SUPT16H: variants seen among roughly 807,000 people sequenced by gnomAD.
SUPT16H encodes SPT16 homolog, facilitates chromatin remodeling subunit, also known as FACT complex subunit SPT16.
SUPT16H carries 24 observed loss-of-function variants against 136.2 expected under a neutral mutation model. That is an observed-to-expected ratio of 0.18 (90% CI 0.13 to 0.25). SUPT16H has a LOEUF of 0.25. Ranked by LOEUF, SUPT16H falls within the 10% of genes least tolerant of loss-of-function variation. SUPT16H has a pLI of 1.00. For synonymous variants in SUPT16H, 415 were observed against 428.2 expected (o/e 0.97, Z 0.38); for missense variants, 623 against 1,270.2 (o/e 0.49, Z 7.74).
chr14:21,375,322 T>C (rs903989073), intron 1 of SUPT16H, among the ~76,000 whole-genome samples: 1 of 152,136 alleles, frequency 6.6e-6, no homozygotes, highest in African/African-American at 2.4e-5. Flanking sequence ...GCCCTCACTG[T>C]AGTTTTGATT....
At position 21,355,362 on chromosome 14, in the gene SUPT16H, A is replaced by G. The variant is rs759741959; in HGVS notation, c.2661-822T>C. ...CAAAAAATTAGCCAGGCATGGTAGC[A>G]CGCGCCTGTAGTCCCAGCTACTTGG... On this transcript the variant is annotated intron_variant, in intron 22 of 25. Coordinates refer to ENST00000216297, the MANE Select transcript of SUPT16H (RefSeq NM_007192.4). Among the ~76,000 whole-genome samples, 7 of 151,996 alleles carry G rather than the reference A, an allele frequency of 4.6e-5. No individual in the cohort carries two copies. In the East Asian group the frequency reaches 1.2e-3, roughly 25 times the overall value.
intron 1 of SUPT16H, among the ~76,000 whole-genome samples, chr14:21,377,082 A>G (rs921449234): frequency 6.6e-6 from 1 of 151,572 alleles, no homozygotes; most frequent in South Asian, 2.1e-4. Flanking sequence ...AAAAGAAAAA[A>G]AAAAAAAAAA....
chr14:21,357,081 C>CA, intron 22 of SUPT16H, 116 bp downstream of exon 22: 2 of 1,113,708 alleles, frequency 1.8e-6, no homozygotes, highest in Non-Finnish European at 2.4e-6. Context: ...CTGTAACAAC[C>CA]AAAAGGCAGT....
In SUPT16H at chr14:21,380,451, G is replaced by A. The variant is rs111540183; in HGVS notation, c.66+3411C>T. Among the ~76,000 whole-genome samples the A allele has an allele frequency of 5.9e-3, 900 of 152,002 alleles. 3 individuals carry two copies. Among genetic ancestry groups the A allele is most frequent in the African/African-American group, 0.019 (769 of 41,438 alleles). ...CTATGTATTTTTTAAAATCCTTCCT[G>A]AGCCACAGAACATAGCTGTTGAATC... On this transcript the variant is annotated intron_variant, in intron 1 of 25. Coordinates refer to ENST00000216297, the MANE Select transcript of SUPT16H (RefSeq NM_007192.4).
chr14:21,361,184 G>T lies in SUPT16H; in HGVS notation c.1823C>A (p.Pro608His). The change falls in exon 16 of 26, where the codon CCC becomes CAC. Residue 608 changes from proline to histidine, a missense_variant. This residue lies in a region of SUPT16H where 62 missense variants were observed against 200.5 expected (regional missense o/e 0.31). Transcript: ENST00000216297. ...CAAGGCTGGTACTGTCTGTTCTCCG[G>T]GTGCCTTAATATTTGATGCTCGGTA... ...ITYRASNIKA[P>H]GEQTVPALNL... The T allele has an allele frequency of 6.2e-7, 1 of 1,613,864 alleles. No individual in the cohort carries two copies. The highest frequency in any genetic ancestry group is 8.5e-7 in the Non-Finnish European group (1 of 1,179,990).
At chr14:21,372,387 C>A (rs1886805797) in intron 2 of SUPT16H, 1 of 318,266 alleles carries the variant, frequency 3.1e-6, no homozygotes, top group African/African-American at 2.2e-5. Context: ...CAGAGTGATA[C>A]AGAACCCTGC....
chr14:21,375,838 C>T (rs1343009002), intron 1 of SUPT16H, among the ~76,000 whole-genome samples: 1 of 152,236 alleles, frequency 6.6e-6, no homozygotes, highest in Non-Finnish European at 1.5e-5. Flanking sequence ...AGTGATCCTC[C>T]TGCCTTGGCC....
intron 22 of SUPT16H, 90 bp downstream of exon 22, chr14:21,357,107 T>C: frequency 7.7e-7 from 1 of 1,296,354 alleles, no homozygotes; most frequent in Non-Finnish European, 1.0e-6. Flanking sequence ...TTTAAGTATA[T>C]CAGTAGATTT....
intron 2 of SUPT16H, among the ~76,000 whole-genome samples, chr14:21,373,116 T>C (rs1427401469): frequency 1.3e-5 from 2 of 152,026 alleles, no homozygotes; most frequent in South Asian, 2.1e-4. Flanking sequence ...CTTAATTTTT[T>C]TGTATTTCTT....
intron 9 of SUPT16H, 48 bp downstream of exon 9, chr14:21,365,022 A>G: frequency 1.2e-6 from 2 of 1,607,882 alleles, no homozygotes; most frequent in Non-Finnish European, 1.7e-6. Flanking sequence ...AAATAAAGCT[A>G]AAGGAAGTAA....
chr14:21,360,716 A>G (rs1886532972), intron 17 of SUPT16H, 130 bp downstream of exon 17: 1 of 1,376,064 alleles, frequency 7.3e-7, no homozygotes, highest in Non-Finnish European at 1.0e-6. Flanking sequence ...GTCATACTTT[A>G]TTAGCACCAT....
Position 21,352,884 on chromosome 14 carries a change from C to A in SUPT16H, c.2999-66G>T. The A allele has an allele frequency of 6.9e-6, 11 of 1,603,454 alleles. No individual in the cohort carries two copies. The South Asian group carries it at 1.2e-4, about 18-fold the overall frequency. ...TTAGGTACCTAATATTACTGGATAG[C>A]ATGAGATAGTACAGAGAATACACTT... On this transcript the variant is annotated intron_variant, in intron 25 of 25. Coordinates refer to ENST00000216297, the MANE Select transcript of SUPT16H (RefSeq NM_007192.4).
intron 3 of SUPT16H, among the ~76,000 whole-genome samples, chr14:21,370,726 G>A (rs552050956): frequency 6.6e-6 from 1 of 151,934 alleles, no homozygotes; most frequent in South Asian, 2.1e-4. Context: ...CAATCCTCCT[G>A]CCTCGGCCTC....
At chr14:21,357,871 T>A (rs1566382252) in intron 21 of SUPT16H, 56 bp downstream of exon 21, 1 of 1,496,756 alleles carries the variant, frequency 6.7e-7, no homozygotes, top group African/African-American at 1.4e-5. Context: ...AAAACACCTA[T>A]CCTTCTTTAT....
chr14:21,367,478 T>C (rs1314723852), intron 7 of SUPT16H, among the ~76,000 whole-genome samples: 2 of 152,198 alleles, frequency 1.3e-5, no homozygotes, highest in Non-Finnish European at 2.9e-5. Context: ...GTAGTCTAGA[T>C]ATGGTGGCCT....
At chr14:21,361,242 AT>A (rs1886545005) in intron 15 of SUPT16H, 29 bp from the exon 16 acceptor site, 10 of 1,605,702 alleles carry the variant, frequency 6.2e-6, no homozygotes, top group African/African-American at 1.4e-5. Flanking sequence ...ATTTATAGAC[AT>A]TTCTTTTTCA....
intron 22 of SUPT16H, among the ~76,000 whole-genome samples, chr14:21,355,513 T>TAAA (rs59639210): frequency 2.6e-4 from 30 of 113,398 alleles, no homozygotes; most frequent in East Asian, 9.8e-4. Context: ...ATAATAATAA[T>TAAA]AAAAAAAAAA....
intron 17 of SUPT16H, 41 bp downstream of exon 17, chr14:21,360,805 C>A: frequency 6.3e-7 from 1 of 1,585,144 alleles, no homozygotes; most frequent in Non-Finnish European, 8.6e-7. Context: ...AACAAATGTG[C>A]CCTGAAGAGA....
Position 21,364,535 on chromosome 14 carries a change from C to CTTT in SUPT16H, c.1233+291_1233+292insAAA, listed in dbSNP as rs1162193351. Among the ~76,000 whole-genome samples, 5 of 152,038 alleles carry CTTT rather than the reference C, an allele frequency of 3.3e-5. No homozygotes were observed. The East Asian group carries it at 9.6e-4, about 29-fold the overall frequency. On this transcript the variant is annotated intron_variant, in intron 10 of 25. Transcript: ENST00000216297. ...ATTGTATAGTATGTGAATTGTAGCT[C>CTTT]AATAAAGCTGTTATTAAAAAGAAAA...
Sources: gnomAD v4.1 joint callset for allele counts (sites outside exome capture counted in the v4.1 genomes callset) on GRCh38, gnomAD v4.1.1 for gene constraint, gnomAD v4.1.1 regional missense constraint, MANE v1.5 for transcripts, NCBI Gene and HGNC (gene_info 2026-07-23, HGNC 2026-07-21) for gene names.